The following RABGAP1 variants were observed in gnomAD, a reference collection of about 807,000 sequenced individuals.
RABGAP1 encodes RAB GTPase activating protein 1.
RABGAP1 carries 23 observed loss-of-function variants against 137.6 expected under a neutral mutation model. That is an observed-to-expected ratio of 0.17 (90% confidence interval 0.12 to 0.24). RABGAP1 has a LOEUF of 0.24. Among genes scored for constraint, RABGAP1 ranks in the 10% least tolerant of loss-of-function variants. RABGAP1 has a pLI of 1.00. For synonymous variants in RABGAP1, 451 were observed against 450.7 expected (o/e 1.00, Z -0.01); for missense variants, 906 against 1,275.8 (o/e 0.71, Z 4.42).
intron 13 of RABGAP1, among the ~76,000 whole-genome samples, chr9:123,051,216 G>GTTTTTTTTTTTTTTTTTTTTTTTTT (rs552457119): frequency 2.9e-5 from 1 of 34,280 alleles, no homozygotes; most frequent in Non-Finnish European, 5.6e-5. Context: ...ATTCACCTTG[G>GTTTTTTTTTTTTTTTTTTTTTTTTT]TTTTTTTTTT....
At chr9:122,972,930 G>A (rs1835544357) in intron 2 of RABGAP1, among the ~76,000 whole-genome samples, 1 of 150,500 alleles carries the variant, frequency 6.6e-6, no homozygotes, top group South Asian at 2.1e-4. Flanking sequence ...GAGCTCAGGA[G>A]TTGAGACCAG....
At chr9:123,016,223 C>T (rs2131903798) in intron 12 of RABGAP1, among the ~76,000 whole-genome samples, 1 of 152,232 alleles carries the variant, frequency 6.6e-6, no homozygotes, top group Admixed American at 6.5e-5. Context: ...ACATTGCCTT[C>T]AGGATGGGTG....
intron 13 of RABGAP1, among the ~76,000 whole-genome samples, chr9:123,059,253 A>G (rs1416777870): frequency 6.6e-6 from 1 of 152,122 alleles, no homozygotes; most frequent in East Asian, 1.9e-4. Flanking sequence ...CCCAAAATTC[A>G]TATGTTAAAA....
Position 123,057,522 on chromosome 9 carries a change from TC to T in RABGAP1, c.1795-7824del, listed in dbSNP as rs530316366. ...CGGTCGGGAAGAGGCGCTCCTCACT[TC>T]CTAGGTGGGATGGCGGCCGGGCAGA... On this transcript the variant is annotated intron_variant, in intron 13 of 25. Transcript: ENST00000373647. Among the ~76,000 whole-genome samples, 9 of 147,624 alleles carry T rather than the reference TC, an allele frequency of 6.1e-5. No individual in the cohort carries two copies. In the East Asian group the frequency reaches 1.8e-3, roughly 30 times the overall value.
At chr9:122,961,957 A>C (rs904637301) in intron 2 of RABGAP1, among the ~76,000 whole-genome samples, 5 of 152,234 alleles carry the variant, frequency 3.3e-5, no homozygotes, top group African/African-American at 1.2e-4. Context: ...ATAAATAAGA[A>C]GGTTAATATA....
chr9:122,957,831 A>G (rs564863588), intron 2 of RABGAP1, among the ~76,000 whole-genome samples: 44 of 151,876 alleles, frequency 2.9e-4, no homozygotes, highest in Non-Finnish European at 5.2e-4. Context: ...AGTACTGGGG[A>G]TATAGTGGTG....
intron 14 of RABGAP1, among the ~76,000 whole-genome samples, chr9:123,068,826 A>G (rs1191326284): frequency 6.6e-6 from 1 of 152,234 alleles, no homozygotes; most frequent in Non-Finnish European, 1.5e-5. Flanking sequence ...GTTGCATATT[A>G]ACTTGACTAG....
chr9:122,989,727 C>G (rs1836563744), intron 5 of RABGAP1: 1 of 545,450 alleles, frequency 1.8e-6, no homozygotes, highest in South Asian at 2.5e-5. Flanking sequence ...CATTCTGGTT[C>G]TAACATTGAC....
chr9:123,000,342 A>G (rs1300663082), intron 10 of RABGAP1, among the ~76,000 whole-genome samples: 1 of 151,778 alleles, frequency 6.6e-6, no homozygotes, highest in Non-Finnish European at 1.5e-5. Context: ...CTCTGTTCCA[A>G]TCTTTTACTC....
intron 19 of RABGAP1, among the ~76,000 whole-genome samples, chr9:123,077,693 T>TGTATTGTATTGTATTGTATTG (rs79926856): frequency 5.6e-4 from 83 of 149,252 alleles, no homozygotes; most frequent in Non-Finnish European, 7.4e-4. Context: ...TGTATTGTAT[T>TGTATTGTATTGTATTGTATTG]TATTTTCTGT....
chr9:123,003,073 C>T (rs1259242869), intron 10 of RABGAP1, among the ~76,000 whole-genome samples: 14 of 152,122 alleles, frequency 9.2e-5, no homozygotes, highest in South Asian at 6.2e-4. Flanking sequence ...AACAACTTTT[C>T]GCTGTCTTAA....
At position 122,955,415 on chromosome 9, in the gene RABGAP1, A is replaced by G. The variant is rs1588163340; in HGVS notation, c.-49-1596A>G. On this transcript the variant is annotated intron_variant, in intron 1 of 25. Transcript: ENST00000373647. The stretch of plus-strand genomic sequence containing the variant: ...TGAATCATTTTTCTTTGAATTTTTC[A>G]AAAGTACAATTTGAAATGTTTTTGA... Among the ~76,000 whole-genome samples the G allele has an allele frequency of 2.6e-5, 4 of 152,350 alleles. 1 individual carries two copies. In the South Asian group the frequency reaches 8.3e-4, roughly 32 times the overall value.
chr9:123,058,569 G>T (rs962544133), intron 13 of RABGAP1, among the ~76,000 whole-genome samples: 7 of 151,598 alleles, frequency 4.6e-5, no homozygotes, highest in African/African-American at 1.7e-4. Flanking sequence ...CTTTTAAAAT[G>T]CAGTAAGGTA....
At chr9:123,014,740 C>A (rs1315115481) in intron 11 of RABGAP1, among the ~76,000 whole-genome samples, 1 of 145,236 alleles carries the variant, frequency 6.9e-6, no homozygotes, top group Non-Finnish European at 1.5e-5. Flanking sequence ...TGGCTCACTG[C>A]AAAATTTATA....
At chr9:122,997,159 TATATTTTTGCA>T in intron 8 of RABGAP1, 89 bp from the exon 9 acceptor site, 4 of 792,796 alleles carry the variant, frequency 5.0e-6, no homozygotes, top group Non-Finnish European at 8.2e-6. Flanking sequence ...TCCATATTCT[TATATTTTTGCA>T]GCTTCTGGTT....
chr9:123,011,436 C>T (rs1467331480), intron 11 of RABGAP1, among the ~76,000 whole-genome samples: 4 of 152,104 alleles, frequency 2.6e-5, no homozygotes, highest in Admixed American at 6.5e-5. Flanking sequence ...TTAAATGAAA[C>T]GTATCCATGT....
chr9:123,079,047 T>G (rs1471197094), intron 19 of RABGAP1, among the ~76,000 whole-genome samples: 1 of 152,194 alleles, frequency 6.6e-6, no homozygotes, highest in Non-Finnish European at 1.5e-5. Context: ...TCCTGTTTCA[T>G]GCAATTATAC....
At chr9:123,000,443 T>G (rs1006409158) in intron 10 of RABGAP1, among the ~76,000 whole-genome samples, 1 of 152,216 alleles carries the variant, frequency 6.6e-6, no homozygotes, top group Non-Finnish European at 1.5e-5. Context: ...AGGTCACCAC[T>G]GATTTAAATT....
In RABGAP1 at chr9:122,989,545, A is replaced by G. The variant is rs1412240944; in HGVS notation, c.765+74A>G. 4 of 1,447,536 alleles carry G rather than the reference A, an allele frequency of 2.8e-6. No homozygotes were observed. In the African/African-American group the frequency reaches 4.2e-5, roughly 15 times the overall value. 89.7% of individuals were successfully genotyped at this position (1,447,536 alleles called of 1,614,324 possible). ...CTCACTAGGTTGAAATGATTATGGT[A>G]TTTATTATGATCACTCATAAGCCAG... On this transcript the variant is annotated intron_variant, in intron 5 of 25. Coordinates refer to ENST00000373647, the MANE Select transcript of RABGAP1 (RefSeq NM_012197.4).
Sources: allele counts gnomAD v4.1 joint callset (sites outside exome capture counted in the v4.1 genomes callset), GRCh38; gene constraint gnomAD v4.1.1; transcripts MANE v1.5; gene names NCBI Gene and HGNC (gene_info 2026-07-23, HGNC 2026-07-21).